SHKBP1: variants seen among roughly 807,000 people sequenced by gnomAD.
SHKBP1 encodes SH3KBP1 binding protein 1.
SHKBP1 carries 71 observed loss-of-function variants against 83.9 expected under a neutral mutation model. The observed-to-expected ratio is 0.85, with a 90% CI of 0.70 to 1.03. The LOEUF (loss-of-function observed/expected upper bound fraction) is 1.03, where lower values mean the gene tolerates loss of function less well. SHKBP1 is among the 50% of genes least tolerant of loss of function. The pLI is 0.00. For missense variants in SHKBP1, 824 were observed against 982.4 expected (o/e 0.84, Z 2.16); for synonymous variants, 371 against 398.0 (o/e 0.93, Z 0.81).
At chr19:40,578,032 T>C in intron 4 of SHKBP1, 122 bp from the exon 5 acceptor site, 1 of 812,040 alleles carries the variant, frequency 1.2e-6, no homozygotes, top group Non-Finnish European at 2.2e-6. Context: ...CCTTAGCATC[T>C]TTATTCCATC....
chr19:40,590,538 T>A lies in SHKBP1; in HGVS notation c.1768+116T>A. The A allele has an allele frequency of 7.6e-7, 1 of 1,313,678 alleles. No individual in the cohort carries two copies. Among genetic ancestry groups the A allele is most frequent in the Non-Finnish European group, 1.0e-6 (1 of 955,612 alleles). The allele number at this position is 1,313,678 out of a possible 1,614,324, so 81.4% of individuals were successfully genotyped here. The stretch of plus-strand genomic sequence containing the variant: ...GCCCTTGCCCTCTGACCCCTTTTCC[T>A]TTGACCCCCTCTCTGCTCCCCATCC... On this transcript the variant is annotated intron_variant, in intron 16 of 17. Coordinates refer to ENST00000291842, the MANE Select transcript of SHKBP1 (RefSeq NM_138392.4). This position sits in a 1 kb window ranked among gnomAD's most constrained non-coding sequence, Gnocchi z 4.6.
intron 13 of SHKBP1, among the ~76,000 whole-genome samples, chr19:40,587,540 C>T (rs1225790366): frequency 6.6e-6 from 1 of 152,034 alleles, no homozygotes; most frequent in Non-Finnish European, 1.5e-5. Flanking sequence ...GCAGAGAGCC[C>T]AGATCATGCT....
intron 13 of SHKBP1, among the ~76,000 whole-genome samples, chr19:40,587,248 C>T (rs528863677): frequency 3.3e-5 from 5 of 152,268 alleles, no homozygotes; most frequent in South Asian, 2.1e-4. Flanking sequence ...TCCCTGCCCT[C>T]GTGGAGCTGA....
At chr19:40,578,346 G>T in intron 5 of SHKBP1, 116 bp from the exon 6 acceptor site, 5 of 1,456,648 alleles carry the variant, frequency 3.4e-6, no homozygotes, top group Non-Finnish European at 4.8e-6. Context: ...CCCTGGCCGG[G>T]TCTGTATTCG....
chr19:40,590,785 C>T lies in SHKBP1; in HGVS notation c.1824C>T (p.Ala608=). 1 of 1,602,566 alleles carries T rather than the reference C, an allele frequency of 6.2e-7. No individual in the cohort carries two copies. The highest frequency in any genetic ancestry group is 1.1e-5 in the South Asian group (1 of 90,706). ...LMEQLEHCEL[A]PPAPSAPSWG... is the part of the protein sequence containing the mutation. ...AACAGCTGGAACACTGTGAGCTGGC[C>T]CCGCCGGCTCCTTCAGCTCCCTCAT... Residue 608 remains alanine, a synonymous_variant, in exon 17 of 18, where the codon GCC becomes GCT. Transcript: ENST00000291842. The surrounding 1 kb of genome is among the most constrained non-coding windows in gnomAD (Gnocchi z 4.6).
In SHKBP1 at chr19:40,580,436, A is replaced by G; in HGVS notation, c.513A>G (p.Ala171=). 6.2e-7 allele frequency: 1 copy of G among 1,614,120 alleles called. No homozygotes were observed. The highest frequency in any genetic ancestry group is 8.5e-7 in the Non-Finnish European group (1 of 1,179,970). ...CGATGCCCCCCAACCTTGGCAATGC[A>G]GGGCTGCTGGGCCGAATGCTGGATG... ...SNTMPPNLGN[A]GLLGRMLDEK... is the part of the protein sequence containing the mutation. The change falls in exon 7 of 18, where the codon GCA becomes GCG. Residue 171 remains alanine (A), a synonymous_variant. Transcript: ENST00000291842.
chr19:40,587,173 C>T (rs528233159), intron 13 of SHKBP1, among the ~76,000 whole-genome samples: 5 of 152,214 alleles, frequency 3.3e-5, no homozygotes, highest in African/African-American at 4.8e-5. Context: ...AATTCAGCAA[C>T]GATTTACGGG....
chr19:40,591,146 C>G lies in SHKBP1; in HGVS notation c.2063C>G (p.Ser688Cys). The change falls in exon 18 of 18, where the codon TCC becomes TGC. Residue 688 changes from serine to cysteine, a missense_variant. Coordinates refer to ENST00000291842, the MANE Select transcript of SHKBP1 (RefSeq NM_138392.4). Reference sequence around the variant, plus strand: ...CCACCCACACCAGCCCCGTGGCCCTCCAGCGGTCTCGGCACTCCCCTCACA... The same window carrying G: ...CCACCCACACCAGCCCCGTGGCCCTGCAGCGGTCTCGGCACTCCCCTCACA... ...RRPPTPAPWPSSGLGTPLTPP... is the reference protein window; with the variant it reads ...RRPPTPAPWPCSGLGTPLTPP... 1 of 1,605,454 alleles carries G rather than the reference C, an allele frequency of 6.2e-7. No homozygotes were observed. Among genetic ancestry groups the G allele is most frequent in the South Asian group, 1.1e-5 (1 of 90,748 alleles).
Position 40,590,984 on chromosome 19 carries a change from C to T in SHKBP1, c.1901C>T (p.Ser634Leu), listed in dbSNP as rs2081354973. 2 of 1,603,774 alleles carry T rather than the reference C, an allele frequency of 1.2e-6. No homozygotes were observed. The highest frequency in any genetic ancestry group is 1.7e-6 in the Non-Finnish European group (2 of 1,171,832). The change falls in exon 18 of 18, where the codon TCA becomes TTA. Residue 634 changes from serine to leucine, a missense_variant. Around this residue, in one of 3 missense-constraint regions of SHKBP1, gnomAD observed 287 missense variants for 322.9 expected, o/e 0.89. Transcript: ENST00000291842. The surrounding 1 kb of genome is among the most constrained non-coding windows in gnomAD (Gnocchi z 4.6). ...TGTCCTTACTTCCTCAGCCTCCACT[C>T]AGCCTCCAGCAACACCTCCTTGTCT... The part of the protein sequence containing the change: ...SPRISLTSLH[S>L]ASSNTSLSGH...
chr19:40,580,321 T>C lies in SHKBP1; in HGVS notation c.401-3T>C, dbSNP rs556814377. The C allele has an allele frequency of 6.2e-7, 1 of 1,613,414 alleles. No homozygotes were observed. The highest frequency in any genetic ancestry group is 1.3e-5 in the African/African-American group (1 of 75,048). On this transcript the variant is annotated splice_region_variant and splice_polypyrimidine_tract_variant and intron_variant, in intron 6 of 17. Coordinates refer to ENST00000291842, the MANE Select transcript of SHKBP1 (RefSeq NM_138392.4). Reference sequence around the variant, plus strand: ...GTTACTCTACCTCTTATTCTCACTGTAGTGTTCCCAGTGAAGCGGCGGAAC... The same window carrying C: ...GTTACTCTACCTCTTATTCTCACTGCAGTGTTCCCAGTGAAGCGGCGGAAC...
intron 9 of SHKBP1, 105 bp from the exon 10 acceptor site, chr19:40,582,246 A>G (rs1046945412): frequency 4.3e-5 from 38 of 879,236 alleles, no homozygotes; most frequent in Non-Finnish European, 3.8e-5. Context: ...CTATCCTTCA[A>G]GGATTCTGTG....
chr19:40,588,631 C>T lies in SHKBP1; in HGVS notation c.1344C>T (p.Ala448=), dbSNP rs559713953. The stretch of plus-strand genomic sequence containing the variant: ...TCTCCTTGTGCCCCTCAGTCTGTGC[C>T]GACAACAACCACGTGCGGACATGGT... ...LSEKHLISVC[A]DNNHVRTWSV... The change falls in exon 14 of 18, where the codon GCC becomes GCT. Residue 448 remains alanine, a synonymous_variant. Transcript: ENST00000291842. 1.7e-5 allele frequency: 28 copies of T among 1,614,158 alleles called. No homozygotes were observed. Among genetic ancestry groups the T allele is most frequent in the South Asian group, 1.6e-4 (15 of 91,078 alleles).
chr19:40,588,777 T>C lies in SHKBP1; in HGVS notation c.1490T>C (p.Ile497Thr). ...GHGGCSAGNDIGPYGERDDQQ... is the reference protein window; with the variant it reads ...GHGGCSAGNDTGPYGERDDQQ... Reference sequence around the variant, plus strand: ...GGCGGCTGCAGTGCTGGCAATGACATTGGTGCCTACTGGCTCCTGGCCTTC... The same window carrying C: ...GGCGGCTGCAGTGCTGGCAATGACACTGGTGCCTACTGGCTCCTGGCCTTC... Residue 497 changes from isoleucine to threonine, a missense_variant and splice_region_variant, in exon 14 of 18, where the codon ATT becomes ACT. By Grantham distance (89) the Ile-to-Thr change is moderately conservative (BLOSUM62 -1). This residue lies in a region of SHKBP1 where 287 missense variants were observed against 322.9 expected (regional missense o/e 0.89). Coordinates refer to ENST00000291842, the MANE Select transcript of SHKBP1 (RefSeq NM_138392.4). 1.2e-6 allele frequency: 2 copies of C among 1,613,006 alleles called. No individual in the cohort carries two copies. The highest frequency in any genetic ancestry group is 2.2e-5 in the South Asian group (2 of 91,080).
chr19:40,583,943 C>T lies in SHKBP1; in HGVS notation c.1165+226C>T, dbSNP rs554325593. ...GCAACCTCCACCTCCTGAGTTCAAG[C>T]GATTCTCCTGCCTCAGCCTCCCAAG... On this transcript the variant is annotated intron_variant, in intron 12 of 17. Transcript: ENST00000291842. Among the ~76,000 whole-genome samples the T allele has an allele frequency of 1.6e-3, 239 of 152,184 alleles. 2 individuals are homozygous for T. Among genetic ancestry groups the T allele is most frequent in the African/African-American group, 5.3e-3 (220 of 41,530 alleles).
At position 40,589,073 on chromosome 19, in the gene SHKBP1, C is replaced by T. The variant is rs1317899993; in HGVS notation, c.1493-9C>T. On this transcript the variant is annotated splice_polypyrimidine_tract_variant and intron_variant, in intron 14 of 17. Coordinates refer to ENST00000291842, the MANE Select transcript of SHKBP1 (RefSeq NM_138392.4). Reference sequence around the variant, plus strand: ...AGCTGGCCCTGACCCCTGCCCCTGCCTGGCCCAGGCCCCTACGGTGAGCGG... The same window carrying T: ...AGCTGGCCCTGACCCCTGCCCCTGCTTGGCCCAGGCCCCTACGGTGAGCGG... 2.5e-6 allele frequency: 4 copies of T among 1,610,870 alleles called. No homozygotes were observed. Among genetic ancestry groups the T allele is most frequent in the Admixed American group, 3.3e-5 (2 of 60,004 alleles).
At chr19:40,577,762 C>T (rs2081230876) in intron 4 of SHKBP1, 132 bp downstream of exon 4, 2 of 1,182,600 alleles carry the variant, frequency 1.7e-6, no homozygotes, top group Non-Finnish European at 2.5e-6. Context: ...ACAGGCCGGG[C>T]GCGCCGGGAT....
chr19:40,589,333 G>T (rs1353801598), intron 15 of SHKBP1, among the ~76,000 whole-genome samples, 155 bp downstream of exon 15: 1 of 151,000 alleles, frequency 6.6e-6, no homozygotes, highest in Admixed American at 6.6e-5. Flanking sequence ...GGGAGGACAG[G>T]CCTGGTAGGT....
Position 40,583,708 on chromosome 19 carries a change from C to T in SHKBP1, c.1156C>T (p.Pro386Ser). 6.2e-7 allele frequency: 1 copy of T among 1,613,484 alleles called. No individual in the cohort carries two copies. The highest frequency in any genetic ancestry group is 8.5e-7 in the Non-Finnish European group (1 of 1,179,468). Residue 386 changes from proline to serine, a missense_variant, in exon 12 of 18, where the codon CCC becomes TCC. Physicochemically the swap from Pro to Ser is moderately conservative, Grantham distance 74. Transcript: ENST00000291842. ...GVTALSVYLT[P>S]KTSDSGNWIE... ...CACCGCCCTCAGTGTCTACCTCACC[C>T]CCAAGACCAGTAAGCTATGACCCGG...
chr19:40,583,742 G>T (rs767075955), intron 12 of SHKBP1, 25 bp downstream of exon 12: 15 of 1,581,496 alleles, frequency 9.5e-6, no homozygotes, highest in Non-Finnish European at 1.3e-5. Flanking sequence ...GGCTTCCCCT[G>T]CTGCTGTCAC....
Sources: allele counts gnomAD v4.1 joint callset (sites outside exome capture counted in the v4.1 genomes callset), GRCh38; gene constraint gnomAD v4.1.1; regional missense constraint gnomAD v4.1.1; non-coding constraint Gnocchi (gnomAD v3.1); transcripts MANE v1.5; gene names NCBI Gene and HGNC (gene_info 2026-07-23, HGNC 2026-07-21).